MYO3B: variants seen among roughly 807,000 people sequenced by gnomAD.
The protein encoded by MYO3B is myosin IIIB, also known as myosin-IIIb.
A neutral mutation model predicts 174.6 loss-of-function variants in MYO3B; 156 were observed. The ratio of observed to expected loss-of-function variants is 0.89; its 90% CI spans 0.78 to 1.02. MYO3B has a LOEUF of 1.02. Among genes scored for constraint, MYO3B ranks in the 50% least tolerant of loss-of-function variants. The pLI, the probability that MYO3B is intolerant of heterozygous loss-of-function variation, is 0.00. For missense variants in MYO3B, 1,632 were observed against 1,639.4 expected (o/e 1.00, Z 0.08); for synonymous variants, 563 against 569.1 (o/e 0.99, Z 0.15).
chr2:170,264,096 A>G (rs1443673523), intron 7 of MYO3B, among the ~76,000 whole-genome samples: 2 of 152,204 alleles, frequency 1.3e-5, no homozygotes, highest in Non-Finnish European at 2.9e-5. Context: ...TAAATCCATT[A>G]AACCTTGAGT....
chr2:170,405,655 T>C (rs768849198), intron 21 of MYO3B, 22 bp downstream of exon 21: 66 of 1,608,202 alleles, frequency 4.1e-5, no homozygotes, highest in South Asian at 5.5e-5. Flanking sequence ...GTGACAGTTA[T>C]TAGACCTGAA....
chr2:170,448,187 T>C (rs562308995), intron 23 of MYO3B, among the ~76,000 whole-genome samples: 2 of 152,176 alleles, frequency 1.3e-5, no homozygotes, highest in South Asian at 2.1e-4. Context: ...AGGGCTGTTA[T>C]TGTCTTTGTT....
In MYO3B at chr2:170,252,895, G is replaced by C. The variant is rs188383270; in HGVS notation, c.749+16759G>C. On this transcript the variant is annotated intron_variant, in intron 7 of 34. Coordinates refer to ENST00000408978, the MANE Select transcript of MYO3B (RefSeq NM_138995.5). ...GGTGGGGACATTTTAGGAATAGCAA[G>C]GAGACCAAGGCAGCTGGAGCACATG... Among the ~76,000 whole-genome samples the C allele has an allele frequency of 3.0e-3, 464 of 152,290 alleles. 6 individuals carry two copies. Among genetic ancestry groups the C allele is most frequent in the African/African-American group, 0.01 (433 of 41,568 alleles).
chr2:170,437,225 G>A (rs969153530), intron 22 of MYO3B, among the ~76,000 whole-genome samples: 6 of 148,312 alleles, frequency 4.0e-5, no homozygotes, highest in African/African-American at 1.6e-4. Context: ...CTGATTCACT[G>A]GGGGTGGCCA....
chr2:170,528,758 C>G (rs908468788), intron 30 of MYO3B, among the ~76,000 whole-genome samples: 1 of 152,168 alleles, frequency 6.6e-6, no homozygotes, highest in Non-Finnish European at 1.5e-5. Context: ...GACGGTTTGG[C>G]ATGGGAACCA....
chr2:170,400,402 C>CTTTT (rs10676575), intron 17 of MYO3B, 88 bp downstream of exon 17: 684 of 1,000,026 alleles, frequency 6.8e-4, no homozygotes, highest in African/African-American at 1.7e-3. Context: ...TTTGCTGGTC[C>CTTTT]TTTTTTTTTT....
chr2:170,220,523 G>A (rs1292220926), intron 6 of MYO3B, among the ~76,000 whole-genome samples: 2 of 150,784 alleles, frequency 1.3e-5, no homozygotes, highest in East Asian at 3.9e-4. Context: ...CAGCTACTCG[G>A]GAGGCTGAGG....
chr2:170,224,265 G>T (rs916565064), intron 6 of MYO3B, among the ~76,000 whole-genome samples: 1 of 152,222 alleles, frequency 6.6e-6, no homozygotes, highest in African/African-American at 2.4e-5. Context: ...ACTGAGGAAA[G>T]TGAGGCTTAA....
chr2:170,364,889 A>G (rs565647961), intron 8 of MYO3B, among the ~76,000 whole-genome samples: 2 of 152,340 alleles, frequency 1.3e-5, no homozygotes, highest in South Asian at 2.1e-4. Flanking sequence ...GTTGTTAGGC[A>G]TTCAAAAGAA....
Position 170,569,122 on chromosome 2 carries a change from C to CTTTTG in MYO3B, c.3733+25138_3733+25139insGTTTT, listed in dbSNP as rs1692256792. ...AATTTATAAAATTGCGAACGTTTTT[C>CTTTTG]TTTTATTAACCATCATGACTACGCT... On this transcript the variant is annotated intron_variant, in intron 32 of 34. Transcript: ENST00000408978. 2.1e-5 allele frequency among the ~76,000 whole-genome samples: 2 copies of CTTTTG among 96,244 alleles called. 1 individual carries two copies. Among genetic ancestry groups the CTTTTG allele is most frequent in the South Asian group, 8.9e-4 (2 of 2,256 alleles). The allele number at this position is 96,244 out of a possible 152,430, so 63.1% of individuals were successfully genotyped here. A position where few individuals can be genotyped will look rare whatever the true frequency, so the allele number is the denominator to read the frequency against.
Position 170,565,158 on chromosome 2 carries a change from G to C in MYO3B, c.3733+21170G>C, listed in dbSNP as rs551408599. Among the ~76,000 whole-genome samples, 6 of 152,126 alleles carry C rather than the reference G, an allele frequency of 3.9e-5. No homozygotes were observed. The East Asian group carries it at 1.2e-3, about 29-fold the overall frequency. ...TTTTTTTTGCATATCAAACAGGCGA[G>C]GATTGAACAAAAAAGATAGTACATG... On this transcript the variant is annotated intron_variant, in intron 32 of 34. Coordinates refer to ENST00000408978, the MANE Select transcript of MYO3B (RefSeq NM_138995.5).
chr2:170,438,292 G>T (rs1205054805), intron 22 of MYO3B, among the ~76,000 whole-genome samples: 1 of 152,018 alleles, frequency 6.6e-6, no homozygotes, highest in Non-Finnish European at 1.5e-5. Flanking sequence ...GTATTCAATT[G>T]TATGTATATA....
intron 3 of MYO3B, among the ~76,000 whole-genome samples, chr2:170,207,517 C>T (rs2092725348): frequency 6.6e-6 from 1 of 152,084 alleles, no homozygotes; most frequent in African/African-American, 2.4e-5. Context: ...TCGTGTCAGG[C>T]TTTTGGGTTC....
intron 7 of MYO3B, among the ~76,000 whole-genome samples, chr2:170,275,855 AC>A (rs1420178695): frequency 6.6e-6 from 1 of 152,200 alleles, no homozygotes; most frequent in South Asian, 2.1e-4. Context: ...ACAGAAAAAA[AC>A]AAAATAAAAA....
At chr2:170,594,840 C>G (rs1030525872) in intron 32 of MYO3B, among the ~76,000 whole-genome samples, 1 of 128,464 alleles carries the variant, frequency 7.8e-6, no homozygotes, top group African/African-American at 4.4e-5. Context: ...CACACACACA[C>G]ACACACACAC....
chr2:170,330,704 G>T (rs751192833), intron 7 of MYO3B, among the ~76,000 whole-genome samples: 3 of 152,134 alleles, frequency 2.0e-5, no homozygotes, highest in Non-Finnish European at 4.4e-5. Context: ...TGATTTATTT[G>T]CTCATTTTGG....
At chr2:170,200,727 A>G (rs1292265083) in intron 3 of MYO3B, among the ~76,000 whole-genome samples, 2 of 152,176 alleles carry the variant, frequency 1.3e-5, no homozygotes, top group African/African-American at 4.8e-5. Flanking sequence ...TGTGTATGGA[A>G]AGTTTGTTGC....
At chr2:170,277,725 CAAAT>C (rs527452390) in intron 7 of MYO3B, among the ~76,000 whole-genome samples, 1 of 151,912 alleles carries the variant, frequency 6.6e-6, no homozygotes, top group Non-Finnish European at 1.5e-5. Flanking sequence ...AAAAATTACA[CAAAT>C]AAATGTCTTA....
intron 7 of MYO3B, among the ~76,000 whole-genome samples, chr2:170,299,891 G>C (rs929260636): frequency 6.6e-6 from 1 of 152,110 alleles, no homozygotes; most frequent in African/African-American, 2.4e-5. Flanking sequence ...AACCTAGAAA[G>C]CATTTTCCAA....
Sources: allele counts gnomAD v4.1 joint callset (sites outside exome capture counted in the v4.1 genomes callset), GRCh38; gene constraint gnomAD v4.1.1; transcripts MANE v1.5; gene names NCBI Gene and HGNC (gene_info 2026-07-23, HGNC 2026-07-21).